The following PARP8 variants were observed in gnomAD, a reference collection of about 807,000 sequenced individuals.
PARP8 encodes poly(ADP-ribose) polymerase family member 8.
In PARP8, 51 loss-of-function variants were observed where a neutral mutation model predicts 124.1. The ratio of observed to expected loss-of-function variants is 0.41; its 90% CI spans 0.33 to 0.52. The LOEUF is 0.52. Ranked by LOEUF, PARP8 falls within the 20% of genes least tolerant of loss-of-function variation. The pLI is 0.21. For synonymous variants in PARP8, 391 were observed against 361.5 expected, an observed-to-expected ratio of 1.08 and a Z score of -0.93; for missense variants, 860 against 1,018.9, an observed-to-expected ratio of 0.84 and a Z score of 2.12.
intron 2 of PARP8, among the ~76,000 whole-genome samples, chr5:50,732,872 C>T (rs1757109800): frequency 1.3e-5 from 2 of 151,674 alleles, no homozygotes; most frequent in Non-Finnish European, 2.9e-5. Flanking sequence ...CCAGCCTTGG[C>T]CTCCCAAAGT....
chr5:50,715,873 A>C (rs1389383447), intron 2 of PARP8, among the ~76,000 whole-genome samples: 1 of 152,042 alleles, frequency 6.6e-6, no homozygotes, highest in African/African-American at 2.4e-5. Context: ...AAAAAATACT[A>C]CCTTCTTCAT....
intron 2 of PARP8, among the ~76,000 whole-genome samples, chr5:50,743,517 A>G (rs997587940): frequency 6.6e-6 from 1 of 152,064 alleles, no homozygotes; most frequent in Admixed American, 6.5e-5. Flanking sequence ...CAGCACTTGA[A>G]GAGTAAAGAA....
chr5:50,713,515 A>G (rs1382128157), intron 2 of PARP8, among the ~76,000 whole-genome samples: 2 of 152,096 alleles, frequency 1.3e-5, no homozygotes, highest in East Asian at 1.9e-4. Context: ...TGCTGGGATT[A>G]CAGGCGTGAA....
intron 2 of PARP8, among the ~76,000 whole-genome samples, chr5:50,727,300 A>G (rs898827159): frequency 2.6e-5 from 4 of 152,106 alleles, no homozygotes; most frequent in African/African-American, 9.7e-5. Flanking sequence ...TTGCGTGCCA[A>G]CTACTCCCTT....
intron 7 of PARP8, among the ~76,000 whole-genome samples, chr5:50,763,758 A>G (rs1482427272): frequency 1.3e-5 from 2 of 152,168 alleles, no homozygotes; most frequent in Non-Finnish European, 2.9e-5. Context: ...TTAATACTTC[A>G]GAAGACCCCA....
chr5:50,687,456 G>T (rs555981260), intron 2 of PARP8, among the ~76,000 whole-genome samples: 2 of 151,726 alleles, frequency 1.3e-5, no homozygotes, highest in Non-Finnish European at 2.9e-5. Context: ...CCTCCAAACC[G>T]TTCCAGCCTC....
chr5:50,776,017 A>T (rs979237850), intron 7 of PARP8, among the ~76,000 whole-genome samples: 17 of 152,146 alleles, frequency 1.1e-4, no homozygotes, highest in Admixed American at 3.9e-4. Context: ...ATTCAATGTG[A>T]TGTCAGCTGT....
chr5:50,809,356 G>T (rs1361349334), intron 14 of PARP8, among the ~76,000 whole-genome samples: 4 of 151,920 alleles, frequency 2.6e-5, no homozygotes, highest in African/African-American at 4.8e-5. Context: ...TTTTAAATAG[G>T]AATTTATATT....
At chr5:50,737,338 A>G (rs556917065) in intron 2 of PARP8, among the ~76,000 whole-genome samples, 3 of 152,328 alleles carry the variant, frequency 2.0e-5, no homozygotes, top group South Asian at 2.1e-4. Context: ...GAGTTATCCA[A>G]TGACATTCTG....
At chr5:50,720,603 A>ATG (rs1296293094) in intron 2 of PARP8, among the ~76,000 whole-genome samples, 43 of 152,188 alleles carry the variant, frequency 2.8e-4, no homozygotes, top group African/African-American at 7.9e-4. Context: ...GGCAGAACTT[A>ATG]ATTATATCAT....
intron 2 of PARP8, among the ~76,000 whole-genome samples, chr5:50,731,915 C>T (rs1246993909): frequency 6.6e-6 from 1 of 152,144 alleles, no homozygotes; most frequent in Non-Finnish European, 1.5e-5. Flanking sequence ...CCATAAATAT[C>T]CCATACATTT....
intron 7 of PARP8, among the ~76,000 whole-genome samples, chr5:50,773,537 A>G (rs1308585111): frequency 1.3e-5 from 2 of 152,078 alleles, no homozygotes; most frequent in African/African-American, 4.8e-5. Flanking sequence ...CTACATGTCT[A>G]TTTTTATGCT....
In PARP8 at chr5:50,746,642, A is replaced by G. The variant is rs140412528; in HGVS notation, c.147-3509A>G. The stretch of plus-strand genomic sequence containing the variant: ...TTCTCTGGTTCCCTCTAAATTAACC[A>G]TCCAAAGGTGTTACCTCTGATATAT... On this transcript the variant is annotated intron_variant, in intron 2 of 25. Coordinates refer to ENST00000281631, the MANE Select transcript of PARP8 (RefSeq NM_024615.4). Among the ~76,000 whole-genome samples, 298 of 152,340 alleles carry G rather than the reference A, an allele frequency of 2.0e-3. 3 individuals are homozygous for G. The highest frequency in any genetic ancestry group is 6.8e-3 in the African/African-American group (282 of 41,576).
intron 2 of PARP8, among the ~76,000 whole-genome samples, chr5:50,706,903 A>G (rs1754207833): frequency 6.6e-6 from 1 of 152,098 alleles, no homozygotes; most frequent in African/African-American, 2.4e-5. Context: ...CTAATAGTGC[A>G]TTATGATGCT....
chr5:50,713,776 A>C (rs537047212), intron 2 of PARP8, among the ~76,000 whole-genome samples: 2 of 152,210 alleles, frequency 1.3e-5, no homozygotes, highest in Admixed American at 1.3e-4. Flanking sequence ...TAGAAGAGGC[A>C]GGCGAGTCAG....
intron 2 of PARP8, among the ~76,000 whole-genome samples, chr5:50,727,064 G>A (rs1241096484): frequency 6.6e-6 from 1 of 152,158 alleles, no homozygotes; most frequent in Non-Finnish European, 1.5e-5. Flanking sequence ...TCTGAAGGTT[G>A]TGAGAAAAAC....
chr5:50,837,916 A>T (rs1319705996), intron 25 of PARP8, among the ~76,000 whole-genome samples: 1 of 152,150 alleles, frequency 6.6e-6, no homozygotes, highest in African/African-American at 2.4e-5. Flanking sequence ...TTATGAACAG[A>T]TCCAAGCCAA....
intron 10 of PARP8, among the ~76,000 whole-genome samples, chr5:50,791,326 C>T (rs747181279): frequency 6.6e-6 from 1 of 152,150 alleles, no homozygotes; most frequent in Non-Finnish European, 1.5e-5. Flanking sequence ...CCTTGTTACT[C>T]TCATATTTCC....
chr5:50,834,074 A>T, intron 24 of PARP8, 26 bp downstream of exon 24: 2 of 1,554,386 alleles, frequency 1.3e-6, no homozygotes, highest in Non-Finnish European at 1.8e-6. Flanking sequence ...TACAAACCTC[A>T]TAGTGTTAGT....
Sources: allele counts gnomAD v4.1 joint callset (sites outside exome capture counted in the v4.1 genomes callset), GRCh38; gene constraint gnomAD v4.1.1; transcripts MANE v1.5; gene names NCBI Gene and HGNC (gene_info 2026-07-23, HGNC 2026-07-21).